Variants in PDE4D observed in about 807,000 individuals in gnomAD.
PDE4D encodes the protein 3',5'-cyclic-AMP phosphodiesterase 4D.
In PDE4D, 24 loss-of-function variants were observed where a neutral mutation model predicts 87.4. The observed-to-expected ratio is 0.27, with a 90% confidence interval of 0.20 to 0.39. The LOEUF is 0.39. PDE4D is among the 10% of genes least tolerant of loss of function. The pLI is 1.00. For synonymous variants in PDE4D, 384 were observed against 383.2 expected (o/e 1.00, Z -0.02); for missense variants, 714 against 1,041.0 (o/e 0.69, Z 4.32).
intron 5 of PDE4D, among the ~76,000 whole-genome samples, chr5:59,120,745 C>T (rs1310470498): frequency 6.6e-6 from 1 of 151,790 alleles, no homozygotes; most frequent in East Asian, 1.9e-4. Context: ...AAGAACAAAG[C>T]TGAATATATC....
upstream of PDE4D, among the ~76,000 whole-genome samples, chr5:59,897,556 C>A (rs905423901): frequency 6.6e-6 from 1 of 151,990 alleles, no homozygotes; most frequent in Non-Finnish European, 1.5e-5. Context: ...CACCCATTAA[C>A]TTGTCATTTA....
At chr5:59,190,534 G>C (rs919222270) in intron 3 of PDE4D, among the ~76,000 whole-genome samples, 1 of 152,024 alleles carries the variant, frequency 6.6e-6, no homozygotes, top group Non-Finnish European at 1.5e-5. Flanking sequence ...TCTGTCCTTT[G>C]GTGAAAGCAA....
chr5:59,090,885 GCATATGGCAAGC>G (rs1238366461), intron 5 of PDE4D, among the ~76,000 whole-genome samples: 25 of 140,144 alleles, frequency 1.8e-4, no homozygotes, highest in Non-Finnish European at 2.9e-4. Context: ...CCAGTGATAA[GCATATGGCAAGC>G]AATTAATGGA....
intron 1 of PDE4D, among the ~76,000 whole-genome samples, chr5:59,545,822 T>C (rs1277651983): frequency 3.3e-5 from 5 of 152,064 alleles, no homozygotes; most frequent in East Asian, 1.9e-4. Context: ...ATACAAATCT[T>C]TGAAGAAAAA....
chr5:59,203,392 T>C (rs930961909), intron 2 of PDE4D, among the ~76,000 whole-genome samples: 1 of 152,046 alleles, frequency 6.6e-6, no homozygotes, highest in African/African-American at 2.4e-5. Context: ...TTGGTGGGAA[T>C]GTAAACTAGT....
chr5:59,724,211 G>C (rs1039527029), intron 1 of PDE4D, among the ~76,000 whole-genome samples: 3 of 152,076 alleles, frequency 2.0e-5, no homozygotes, highest in Non-Finnish European at 4.4e-5. Context: ...AGGTATGAAG[G>C]TTTCTACACC....
chr5:59,067,299 G>A (rs1164134930), intron 5 of PDE4D, among the ~76,000 whole-genome samples: 2 of 152,060 alleles, frequency 1.3e-5, no homozygotes, highest in Admixed American at 6.6e-5. Context: ...TTACAGGCAT[G>A]AGCCACTGTG....
chr5:59,310,820 C>T (rs1159116420), intron 1 of PDE4D, among the ~76,000 whole-genome samples: 1 of 152,160 alleles, frequency 6.6e-6, no homozygotes, highest in African/African-American at 2.4e-5. Context: ...GACTCAGATG[C>T]AGGTTTTCCT....
intron 10 of PDE4D, among the ~76,000 whole-genome samples, chr5:58,989,021 CTT>C (rs1233500833): frequency 8.5e-5 from 13 of 152,144 alleles, no homozygotes; most frequent in Non-Finnish European, 1.5e-5. Flanking sequence ...CCCAATAACT[CTT>C]TGCGTGGGAG....
intron 5 of PDE4D, among the ~76,000 whole-genome samples, chr5:59,146,378 TC>T (rs1778655630): frequency 6.6e-6 from 1 of 152,160 alleles, no homozygotes; most frequent in Non-Finnish European, 1.5e-5. Flanking sequence ...ATCGATCCTT[TC>T]TAGGGCACGT....
At position 59,851,048 on chromosome 5, in the gene PDE4D, C is replaced by T. The variant is rs553844627; in HGVS notation, c.455+42120G>A. ...TAACTTTTGAAGTTGGGTCCTATAACACATTGCTGCTTTCCTCTCATCCTC... is the reference window on the plus strand; with the variant it reads ...TAACTTTTGAAGTTGGGTCCTATAATACATTGCTGCTTTCCTCTCATCCTC... On this transcript the variant is annotated intron_variant, in intron 1 of 14. Coordinates refer to ENST00000340635, the MANE Select transcript of PDE4D (RefSeq NM_001104631.2). Among the ~76,000 whole-genome samples the T allele has an allele frequency of 3.3e-5, 5 of 152,130 alleles. No individual in the cohort carries two copies. In the South Asian group the frequency reaches 1.0e-3, roughly 32 times the overall value.
At chr5:59,296,528 C>T (rs1769133581) in intron 1 of PDE4D, among the ~76,000 whole-genome samples, 1 of 152,156 alleles carries the variant, frequency 6.6e-6, no homozygotes, top group Non-Finnish European at 1.5e-5. Context: ...AGGAAACTAA[C>T]ATTTATTCAA....
At chr5:59,685,518 G>A (rs1268267314) in intron 1 of PDE4D, among the ~76,000 whole-genome samples, 2 of 152,104 alleles carry the variant, frequency 1.3e-5, no homozygotes, top group Non-Finnish European at 2.9e-5. Context: ...CTGTTTGTTA[G>A]GCACTGAAAA....
chr5:59,091,223 C>T (rs1242462275), intron 5 of PDE4D: 17 of 425,368 alleles, frequency 4.0e-5, no homozygotes, highest in Non-Finnish European at 7.5e-5. Flanking sequence ...TTGTCAAATG[C>T]TTTCTGCTTA....
Position 59,237,582 on chromosome 5 carries a change from A to G in PDE4D, c.456-21614T>C, listed in dbSNP as rs535986322. ...ACAAGACATCGACAGGTGCTCAGCA[A>G]ATGCATATTAAGTGATTAATATTAA... On this transcript the variant is annotated intron_variant, in intron 1 of 14. Coordinates refer to ENST00000340635, the MANE Select transcript of PDE4D (RefSeq NM_001104631.2). Among the ~76,000 whole-genome samples the G allele has an allele frequency of 2.7e-4, 41 of 152,322 alleles. 2 individuals carry two copies. In the South Asian group the frequency reaches 7.7e-3, roughly 28 times the overall value.
chr5:59,535,696 T>C, intron 1 of PDE4D, among the ~76,000 whole-genome samples: 1 of 152,196 alleles, frequency 6.6e-6, no homozygotes, highest in South Asian at 2.1e-4. Context: ...AAATTGTCTA[T>C]AAAACACTAT....
chr5:60,075,366 G>T (rs138164592), intron 2 of PDE4D, among the ~76,000 whole-genome samples: 2 of 152,156 alleles, frequency 1.3e-5, no homozygotes, highest in African/African-American at 4.8e-5. Context: ...TAGAGTTTCC[G>T]CTGAGAGGTC....
chr5:60,242,806 C>A (rs560501876), intron 1 of PDE4D, among the ~76,000 whole-genome samples: 2 of 151,828 alleles, frequency 1.3e-5, no homozygotes, highest in East Asian at 1.9e-4. Context: ...CACAACATAC[C>A]AAAACCTATG....
intron 1 of PDE4D, among the ~76,000 whole-genome samples, chr5:60,354,726 CAAAT>C (rs1402207780): frequency 6.6e-6 from 1 of 152,098 alleles, no homozygotes; most frequent in African/African-American, 2.4e-5. Flanking sequence ...TTTTCTGGCT[CAAAT>C]AAATTTTTTT....
Sources: gnomAD v4.1 joint callset for allele counts (sites outside exome capture counted in the v4.1 genomes callset) on GRCh38, gnomAD v4.1.1 for gene constraint, MANE v1.5 for transcripts, NCBI Gene and HGNC (gene_info 2026-07-23, HGNC 2026-07-21) for gene names.